Variants in TFPI observed in about 807,000 individuals in gnomAD.
The protein encoded by TFPI is anti-convertin.
Under a neutral mutation model 34.6 loss-of-function variants are expected in TFPI, and 15 were observed. That is an observed-to-expected ratio of 0.43 (90% CI 0.29 to 0.67). TFPI has a LOEUF of 0.67. Ranked by LOEUF, TFPI falls within the 30% of genes least tolerant of loss-of-function variation. The probability of loss-of-function intolerance (pLI) is 0.15; values close to 1 mark genes in which losing one functional copy is unlikely to be tolerated. For missense variants in TFPI, 301 were observed against 364.0 expected (o/e 0.83, Z 1.41); for synonymous variants, 105 against 120.1 (o/e 0.87, Z 0.82).
rs1688933867 is a variant in TFPI, at chr2:187,547,587, G to C, written c.-3+6613C>G. The C allele has an allele frequency of 2.0e-5, 3 of 152,082 alleles. No individual in the cohort carries two copies. The South Asian group carries it at 6.2e-4, about 32-fold the overall frequency. 9.4% of individuals were successfully genotyped at this position (152,082 alleles called of 1,614,324 possible). On this transcript the variant is annotated intron_variant, in intron 1 of 7. Transcript: ENST00000233156. ...CCTCTGAATCACTCTAAAGGAACGA[G>C]AAGTCCTGGCAGCTGAGTCATGATC...
At chr2:187,543,695 T>C (rs1007600358) in intron 1 of TFPI, among the ~76,000 whole-genome samples, 1 of 152,234 alleles carries the variant, frequency 6.6e-6, no homozygotes, top group Non-Finnish European at 1.5e-5. Context: ...ACATTAATCA[T>C]GGTGATTCCA....
At chr2:187,510,345 T>G (rs1262816970) in intron 1 of TFPI, among the ~76,000 whole-genome samples, 1 of 152,124 alleles carries the variant, frequency 6.6e-6, no homozygotes, top group Non-Finnish European at 1.5e-5. Flanking sequence ...GATTAGCCAA[T>G]CAAAATTAGC....
At chr2:187,494,860 C>G (rs1176229467) in intron 3 of TFPI, among the ~76,000 whole-genome samples, 12 of 152,056 alleles carry the variant, frequency 7.9e-5, no homozygotes, top group Admixed American at 7.2e-4. Context: ...GTAGCTGGGA[C>G]TACAGGCACA....
At chr2:187,525,373 GT>G (rs1553536102) in intron 1 of TFPI, among the ~76,000 whole-genome samples, 1 of 152,034 alleles carries the variant, frequency 6.6e-6, no homozygotes, top group Non-Finnish European at 1.5e-5. Context: ...TCTGCCTCCA[GT>G]TGTCTTCATA....
intron 1 of TFPI, among the ~76,000 whole-genome samples, chr2:187,535,204 C>A (rs1217471872): frequency 6.6e-6 from 1 of 152,078 alleles, no homozygotes; most frequent in Non-Finnish European, 1.5e-5. Flanking sequence ...AAAAGGATAT[C>A]CAGGAGCTGA....
At chr2:187,540,580 A>G (rs1688524965) in intron 1 of TFPI, among the ~76,000 whole-genome samples, 1 of 152,160 alleles carries the variant, frequency 6.6e-6, no homozygotes, top group African/African-American at 2.4e-5. Flanking sequence ...TTTATGTAAT[A>G]CATTTTCTTA....
intron 4 of TFPI, among the ~76,000 whole-genome samples, chr2:187,488,114 A>G (rs1559110924): frequency 6.6e-6 from 1 of 151,382 alleles, no homozygotes; most frequent in Non-Finnish European, 1.5e-5. Flanking sequence ...TGTCCATTGA[A>G]TCATGCAACA....
intron 3 of TFPI, among the ~76,000 whole-genome samples, chr2:187,490,176 AG>A (rs1391462317): frequency 2.6e-5 from 4 of 151,674 alleles, no homozygotes; most frequent in Non-Finnish European, 5.9e-5. Context: ...TCCATTCAAA[AG>A]TGTGCCAGAT....
At chr2:187,547,515 G>A (rs780556594) in intron 1 of TFPI, 2 of 152,122 alleles carry the variant, frequency 1.3e-5, no homozygotes, top group Non-Finnish European at 2.9e-5. Context: ...AGGAACTACA[G>A]CTGTTGGTGA....
At chr2:187,510,317 A>G (rs1686532269) in intron 1 of TFPI, among the ~76,000 whole-genome samples, 2 of 152,110 alleles carry the variant, frequency 1.3e-5, no homozygotes, top group Non-Finnish European at 2.9e-5. Context: ...ACTGTAACCC[A>G]CATCCTTGCT....
chr2:187,552,482 A>G (rs1054673748), intron 1 of TFPI, among the ~76,000 whole-genome samples: 3 of 152,094 alleles, frequency 2.0e-5, no homozygotes, highest in Admixed American at 6.5e-5. Context: ...TAATTTAACA[A>G]TAAGTTTTAT....
intron 3 of TFPI, among the ~76,000 whole-genome samples, chr2:187,490,584 C>CT (rs1212316623): frequency 6.6e-6 from 1 of 151,504 alleles, no homozygotes; most frequent in African/African-American, 2.4e-5. Flanking sequence ...TATCCTTTCA[C>CT]TTTTAATCTC....
At position 187,476,664 on chromosome 2, in the gene TFPI, A is replaced by G. The variant is rs8176621; in HGVS notation, c.628+7460T>C. 3.3e-3 allele frequency among the ~76,000 whole-genome samples: 503 copies of G among 152,090 alleles called. 1 individual carries two copies. Among genetic ancestry groups the G allele is most frequent in the Middle Eastern group, 0.01 (3 of 294 alleles). On this transcript the variant is annotated intron_variant, in intron 6 of 7. Coordinates refer to ENST00000233156, the MANE Select transcript of TFPI (RefSeq NM_006287.6). ...CACCATTTTGTATTAATACTTCTTAATTTCATTTCTGCAAAGATTTTCCAT... is the reference window on the plus strand; with the variant it reads ...CACCATTTTGTATTAATACTTCTTAGTTTCATTTCTGCAAAGATTTTCCAT...
At position 187,466,925 on chromosome 2, in the gene TFPI, C is replaced by A. The variant is rs751922276; in HGVS notation, c.*11G>T. The A allele has an allele frequency of 1.5e-6, 2 of 1,345,146 alleles. No homozygotes were observed. The highest frequency in any genetic ancestry group is 2.5e-5 in the South Asian group (2 of 80,046). The allele number at this position is 1,345,146 out of a possible 1,614,324, so 83.3% of individuals were successfully genotyped here. ...ATTTAGTAGAATTAATGTTACATTG[C>A]TATAACAAATTCACATATTTTTAAC... On this transcript the variant is annotated 3_prime_UTR_variant, in exon 8 of 8. Coordinates refer to ENST00000233156, the MANE Select transcript of TFPI (RefSeq NM_006287.6).
intron 1 of TFPI, among the ~76,000 whole-genome samples, chr2:187,529,191 T>A (rs555534335): frequency 6.6e-6 from 1 of 152,342 alleles, no homozygotes; most frequent in African/African-American, 2.4e-5. Flanking sequence ...TCAAGGTGGC[T>A]TTTATTTGCT....
rs1454454279 is a variant in TFPI at position 187,543,086 on chromosome 2, T to C, written c.-3+11114A>G. On this transcript the variant is annotated intron_variant, in intron 1 of 7. Coordinates refer to ENST00000233156, the MANE Select transcript of TFPI (RefSeq NM_006287.6). ...GGAAATATATAAATGGTTTAAATGG[T>C]TTATTACTTAATCATCAACTAATCA... is the stretch of plus-strand genomic sequence containing the variant. Among the ~76,000 whole-genome samples, 8 of 152,298 alleles carry C rather than the reference T, an allele frequency of 5.3e-5. No individual in the cohort carries two copies. In the East Asian group the frequency reaches 1.2e-3, roughly 22 times the overall value.
intron 6 of TFPI, chr2:187,483,892 A>C: frequency 2.1e-6 from 1 of 483,592 alleles, no homozygotes; most frequent in Non-Finnish European, 3.6e-6. Context: ...TTCATGTGAT[A>C]CATAATCAAA....
At position 187,490,956 on chromosome 2, in the gene TFPI, G is replaced by A. The variant is rs78754616; in HGVS notation, c.320-2581C>T. ...CTAATCCATTACAGTCTAGTGCCAAGTAATGTATGTCATTGTCACCTGTAG... is the reference window on the plus strand; with the variant it reads ...CTAATCCATTACAGTCTAGTGCCAAATAATGTATGTCATTGTCACCTGTAG... On this transcript the variant is annotated intron_variant, in intron 3 of 7. Coordinates refer to ENST00000233156, the MANE Select transcript of TFPI (RefSeq NM_006287.6). 1.8e-3 allele frequency among the ~76,000 whole-genome samples: 267 copies of A among 151,728 alleles called. 6 individuals are homozygous for A. The East Asian group carries it at 0.039, about 22-fold the overall frequency.
intron 1 of TFPI, among the ~76,000 whole-genome samples, chr2:187,545,040 G>T (rs932551684): frequency 6.6e-6 from 1 of 152,094 alleles, no homozygotes; most frequent in African/African-American, 2.4e-5. Flanking sequence ...GAACCCGGGA[G>T]GCGGAGGTTG....
Sources: allele counts gnomAD v4.1 joint callset (sites outside exome capture counted in the v4.1 genomes callset), GRCh38; gene constraint gnomAD v4.1.1; transcripts MANE v1.5; gene names NCBI Gene and HGNC (gene_info 2026-07-23, HGNC 2026-07-21).